The following HIVEP3 variants were observed in gnomAD, a reference collection of about 807,000 sequenced individuals.
HIVEP3 encodes the protein HIVEP zinc finger 3, also known as transcription factor HIVEP3.
Under a neutral mutation model 152.8 loss-of-function variants are expected in HIVEP3, and 49 were observed. That is an observed-to-expected ratio of 0.32 (90% CI 0.26 to 0.41). HIVEP3 has a LOEUF of 0.41. Among genes scored for constraint, HIVEP3 ranks in the 10% least tolerant of loss-of-function variants. HIVEP3 has a pLI of 1.00. For synonymous variants in HIVEP3, 1,269 were observed against 1,289.0 expected (o/e 0.98, Z 0.33); for missense variants, 2,790 against 3,103.3 (o/e 0.90, Z 2.40).
chr1:41,619,212 C>T (rs1645012076), intron 3 of HIVEP3, among the ~76,000 whole-genome samples: 1 of 152,186 alleles, frequency 6.6e-6, no homozygotes, highest in Non-Finnish European at 1.5e-5. Context: ...GCCTGGAATA[C>T]TCTTTTCTGA....
chr1:41,798,186 G>A lies in HIVEP3; in HGVS notation c.-800-97191C>T, dbSNP rs141822687. Reference sequence around the variant, plus strand: ...GATAGCATTAGGAGATATACCTAATGTAAATGACGAGTTAATGGGTGCAGC... The same window carrying A: ...GATAGCATTAGGAGATATACCTAATATAAATGACGAGTTAATGGGTGCAGC... On this transcript the variant is annotated intron_variant, in intron 1 of 8. Transcript: ENST00000372583. Among the ~76,000 whole-genome samples the A allele has an allele frequency of 8.9e-3, 1,347 of 151,874 alleles. 17 individuals carry two copies. The highest frequency in any genetic ancestry group is 0.031 in the African/African-American group (1,270 of 41,350).
At chr1:41,755,051 TAAGAC>T (rs1349418221) in intron 1 of HIVEP3, among the ~76,000 whole-genome samples, 1 of 152,192 alleles carries the variant, frequency 6.6e-6, no homozygotes, top group African/African-American at 2.4e-5. Context: ...TACCTGATGT[TAAGAC>T]ATGATATAGC....
At chr1:41,586,556 C>T (rs1165145414) in intron 3 of HIVEP3, among the ~76,000 whole-genome samples, 2 of 141,442 alleles carry the variant, frequency 1.4e-5, no homozygotes, top group African/African-American at 2.5e-5. Flanking sequence ...GCATGCCCTA[C>T]CCCCGGCATC....
In HIVEP3 at chr1:41,633,856, C is replaced by A. The variant is rs377719337; in HGVS notation, c.-720-4909G>T. 1.1e-4 allele frequency among the ~76,000 whole-genome samples: 17 copies of A among 152,342 alleles called. No individual in the cohort carries two copies. The East Asian group carries it at 3.3e-3, about 29-fold the overall frequency. On this transcript the variant is annotated intron_variant, in intron 2 of 8. Transcript: ENST00000372583. ...CAAAGCCCTCTGGAATCAGCACCCT[C>A]CCTTCGGCAAGTGAGTAATAAACTC...
chr1:41,589,681 G>T (rs1402799337), intron 3 of HIVEP3, among the ~76,000 whole-genome samples: 2 of 152,194 alleles, frequency 1.3e-5, no homozygotes, highest in African/African-American at 2.4e-5. Context: ...AGACTGAGGA[G>T]CTGGGGTCCC....
At chr1:41,571,387 C>G (rs1298085968) in intron 5 of HIVEP3, among the ~76,000 whole-genome samples, 1 of 152,178 alleles carries the variant, frequency 6.6e-6, no homozygotes, top group Non-Finnish European at 1.5e-5. Context: ...TCTAAACAAC[C>G]AAGGCAAATG....
At position 41,903,468 on chromosome 1, in the gene HIVEP3, T is replaced by C. The variant is rs1308444835; in HGVS notation, c.-801+14945A>G. Among the ~76,000 whole-genome samples the C allele has an allele frequency of 2.6e-5, 4 of 152,234 alleles. No individual in the cohort carries two copies. The East Asian group carries it at 5.8e-4, about 22-fold the overall frequency. ...CTTAGTATGGTGCTGATGAATGCAG[T>C]GAGCACTGAGGCCTTGTTATTCTGC... On this transcript the variant is annotated intron_variant, in intron 1 of 8. Transcript: ENST00000372583.
intron 1 of HIVEP3, among the ~76,000 whole-genome samples, chr1:41,950,309 G>GCAAAACAAAA (rs201599847): frequency 6.6e-6 from 1 of 151,612 alleles, no homozygotes; most frequent in African/African-American, 2.4e-5. Flanking sequence ...TCTTGCAACT[G>GCAAAACAAAA]CAAAACAAAA....
chr1:41,914,391 G>A (rs879320589), intron 1 of HIVEP3, among the ~76,000 whole-genome samples: 1 of 152,136 alleles, frequency 6.6e-6, no homozygotes, highest in South Asian at 2.1e-4. Flanking sequence ...GTTTCTTTTA[G>A]TTAAAGAATT....
At chr1:41,717,216 G>A (rs937865199) in intron 1 of HIVEP3, among the ~76,000 whole-genome samples, 1 of 151,494 alleles carries the variant, frequency 6.6e-6, no homozygotes, top group Non-Finnish European at 1.5e-5. Context: ...GGGCAGGGGA[G>A]GATCCCATGG....
chr1:41,793,078 G>C (rs969253472), intron 1 of HIVEP3, among the ~76,000 whole-genome samples: 1 of 152,198 alleles, frequency 6.6e-6, no homozygotes, highest in African/African-American at 2.4e-5. Flanking sequence ...CACAGGAGTG[G>C]CCTGTCATGG....
intron 5 of HIVEP3, chr1:41,542,643 G>A (rs1403838878): frequency 1.3e-5 from 2 of 152,416 alleles, no homozygotes; most frequent in Admixed American, 6.5e-5. Flanking sequence ...CAGAGCCACA[G>A]TATCCTGCAG....
chr1:41,740,414 G>T (rs1404771994), intron 1 of HIVEP3, among the ~76,000 whole-genome samples: 1 of 152,242 alleles, frequency 6.6e-6, no homozygotes, highest in Non-Finnish European at 1.5e-5. Context: ...TGCAAACCTG[G>T]TGTGATTGGG....
At chr1:42,028,788 G>A (rs1205817327) in intron 1 of HIVEP3, among the ~76,000 whole-genome samples, 1 of 152,136 alleles carries the variant, frequency 6.6e-6, no homozygotes, top group African/African-American at 2.4e-5. Context: ...ACTTCTACTA[G>A]GTGCCTCTAA....
At chr1:41,532,912 C>G in intron 5 of HIVEP3, among the ~76,000 whole-genome samples, 1 of 152,088 alleles carries the variant, frequency 6.6e-6, no homozygotes, top group East Asian at 1.9e-4. Flanking sequence ...GGGTGGCACC[C>G]AAATTCAAGG....
At position 41,511,242 on chromosome 1, in the gene HIVEP3, A is replaced by G. The variant is rs754432365; in HGVS notation, c.6430T>C (p.Ser2144Pro). The G allele has an allele frequency of 1.9e-6, 3 of 1,610,146 alleles. No individual in the cohort carries two copies. Among genetic ancestry groups the G allele is most frequent in the Middle Eastern group, 1.7e-4 (1 of 5,852 alleles). ...GGATGAGCAGGGCCGGGTGAGCAGG[A>G]GGGACTTCGGGACTCGGCCTTCTGC... ...PWQKAESRSP[S>P]CSPGPAHPLS... is the part of the protein sequence containing the mutation. Residue 2144 changes from serine to proline, a missense_variant, in exon 9 of 9, where the codon TCC (serine) becomes CCC (proline). Ser to Pro is a moderately conservative substitution (Grantham distance 74). This residue lies in a region of HIVEP3 where 816 missense variants were observed against 806.5 expected (regional missense o/e 1.01). Transcript: ENST00000372583. The surrounding 1 kb of genome is among the most constrained non-coding windows in gnomAD (Gnocchi z 4.9).
chr1:41,616,941 T>C (rs1644977818), intron 3 of HIVEP3, among the ~76,000 whole-genome samples: 1 of 152,172 alleles, frequency 6.6e-6, no homozygotes, highest in Admixed American at 6.5e-5. Context: ...ACAGGCACTA[T>C]TGCAATCCCT....
At chr1:41,559,110 C>A (rs565947213) in intron 5 of HIVEP3, among the ~76,000 whole-genome samples, 4 of 152,162 alleles carry the variant, frequency 2.6e-5, no homozygotes, top group African/African-American at 9.6e-5. Context: ...TCCAAAATTC[C>A]GCTTGGAGCT....
intron 1 of HIVEP3, among the ~76,000 whole-genome samples, chr1:41,875,813 C>T (rs771361614): frequency 5.3e-5 from 8 of 152,246 alleles, no homozygotes; most frequent in Admixed American, 3.3e-4. Context: ...CTTCTCTCCA[C>T]GAATTTTTAT....
Sources: allele counts gnomAD v4.1 joint callset (sites outside exome capture counted in the v4.1 genomes callset), GRCh38; gene constraint gnomAD v4.1.1; regional missense constraint gnomAD v4.1.1; non-coding constraint Gnocchi (gnomAD v3.1); transcripts MANE v1.5; gene names NCBI Gene and HGNC (gene_info 2026-07-23, HGNC 2026-07-21).